Variants in KAT8 observed in about 807,000 individuals in gnomAD.
KAT8 encodes lysine acetyltransferase 8.
In KAT8, 40 loss-of-function variants were observed where a neutral mutation model predicts 62.9. The observed-to-expected ratio is 0.64, with a 90% confidence interval of 0.49 to 0.83. KAT8 has a LOEUF of 0.83. Ranked by LOEUF, KAT8 falls within the 40% of genes least tolerant of loss-of-function variation. The probability of loss-of-function intolerance (pLI) is 0.00; values close to 1 mark genes in which losing one functional copy is unlikely to be tolerated. For synonymous variants in KAT8, 278 were observed against 254.5 expected (o/e 1.09, Z -0.88); for missense variants, 387 against 614.8 (o/e 0.63, Z 3.92).
At position 31,120,226 on chromosome 16, in the gene KAT8, G is replaced by A; in HGVS notation, c.252G>A (p.Glu84=). 1.9e-6 allele frequency: 3 copies of A among 1,614,198 alleles called. No individual in the cohort carries two copies. Among genetic ancestry groups the A allele is most frequent in the Non-Finnish European group, 2.5e-6 (3 of 1,180,024 alleles). ...TCCAGTCTCGAGTGAACGACCAGGA[G>A]GGCCGAGAGGAATTCTATGTACACT... is the stretch of plus-strand genomic sequence containing the variant. The part of the protein sequence containing the change: ...EVIQSRVNDQ[E]GREEFYVHYV... The change falls in exon 2 of 11, where the codon GAG becomes GAA. Residue 84 remains glutamate (E), a synonymous_variant. Transcript: ENST00000219797.
intron 3 of KAT8, among the ~76,000 whole-genome samples, chr16:31,125,407 C>T (rs2057525518): frequency 1.3e-5 from 2 of 152,002 alleles, no homozygotes; most frequent in South Asian, 4.1e-4. Context: ...AGTTTGAGAA[C>T]AGCCTGGCCA....
intron 6 of KAT8, 151 bp from the exon 7 acceptor site, chr16:31,129,866 C>T (rs1165148868): frequency 7.0e-6 from 6 of 856,610 alleles, no homozygotes; most frequent in African/African-American, 3.4e-5. Flanking sequence ...GTTCCCTGTT[C>T]GTCAGAGGCT....
At chr16:31,130,209 C>A in intron 7 of KAT8, 52 bp downstream of exon 7, 1 of 1,612,518 alleles carries the variant, frequency 6.2e-7, no homozygotes, top group Non-Finnish European at 8.5e-7. Flanking sequence ...CGAAGGTGGG[C>A]ATGAACAGAG....
At chr16:31,120,800 A>C (rs1007786984) in intron 3 of KAT8, 2 of 352,500 alleles carry the variant, frequency 5.7e-6, no homozygotes, top group African/African-American at 4.1e-5. Context: ...GCTGTGTCTT[A>C]GTAGAAAAAA....
chr16:31,118,287 G>T (rs1434599816), intron 1 of KAT8: 3 of 173,654 alleles, frequency 1.7e-5, no homozygotes, highest in African/African-American at 7.1e-5. Flanking sequence ...GAAACAACAG[G>T]CTTCCCTTTC....
chr16:31,120,478 A>G lies in KAT8; in HGVS notation c.426A>G (p.Gln142=). 1 of 1,613,458 alleles carries G rather than the reference A, an allele frequency of 6.2e-7. No homozygotes were observed. Among genetic ancestry groups the G allele is most frequent in the Non-Finnish European group, 8.5e-7 (1 of 1,179,886 alleles). The change falls in exon 3 of 11, where the codon CAA becomes CAG. Residue 142 remains glutamine, a synonymous_variant. Transcript: ENST00000219797. Reference sequence around the variant, plus strand: ...CTGAGCGCAAGATCACTCGCAACCAAAAGCGCAAGCATGATGAGATCAACC... The same window carrying G: ...CTGAGCGCAAGATCACTCGCAACCAGAAGCGCAAGCATGATGAGATCAACC... The part of the protein sequence containing the change: ...EQPERKITRN[Q]KRKHDEINHV...
intron 3 of KAT8, among the ~76,000 whole-genome samples, chr16:31,123,163 G>C (rs1163362207): frequency 6.6e-6 from 1 of 152,030 alleles, no homozygotes; most frequent in African/African-American, 2.4e-5. Context: ...ATCCAGCCTG[G>C]GTGTCCGATC....
At chr16:31,119,785 C>T (rs1215840920) in intron 1 of KAT8, among the ~76,000 whole-genome samples, 1 of 152,022 alleles carries the variant, frequency 6.6e-6, no homozygotes, top group African/African-American at 2.4e-5. Context: ...AAGCAATTTT[C>T]CTGCCTCAGC....
chr16:31,120,284 C>T, intron 2 of KAT8, 24 bp downstream of exon 2: 9 of 1,613,836 alleles, frequency 5.6e-6, no homozygotes, highest in African/African-American at 2.7e-5. Flanking sequence ...CACATCTGGG[C>T]GTGGGTGCAG....
chr16:31,127,362 G>C lies in KAT8; in HGVS notation c.681+9G>C, dbSNP rs745690622. 1.6e-5 allele frequency: 26 copies of C among 1,613,534 alleles called. No individual in the cohort carries two copies. The highest frequency in any genetic ancestry group is 2.1e-5 in the Non-Finnish European group (25 of 1,179,790). ...GCTACCGCTTCCACTTGGTGAGGCT[G>C]GGCCGGCCGGGCCGAGCTGGGCAGG... On this transcript the variant is annotated intron_variant, in intron 5 of 10. Transcript: ENST00000219797.
intron 6 of KAT8, among the ~76,000 whole-genome samples, chr16:31,128,544 CAAAA>C (rs879752658): frequency 7.1e-6 from 1 of 141,010 alleles, no homozygotes; most frequent in Non-Finnish European, 1.6e-5. Flanking sequence ...GAATCTGTCT[CAAAA>C]AAAAAAAAGA....
intron 1 of KAT8, 102 bp downstream of exon 1, chr16:31,117,994 G>T: frequency 2.1e-6 from 2 of 933,356 alleles, no homozygotes; most frequent in Non-Finnish European, 2.9e-6. Context: ...TCCGGGGGCT[G>T]GGAGTGGAGA....
intron 3 of KAT8, chr16:31,122,694 A>C (rs981941446): frequency 6.6e-6 from 1 of 152,096 alleles, no homozygotes; most frequent in Non-Finnish European, 1.5e-5. Context: ...CCCGGCTAAC[A>C]TGGTGAAACC....
At chr16:31,130,246 C>G in intron 7 of KAT8, 21 bp from the exon 8 acceptor site, 8 of 1,613,964 alleles carry the variant, frequency 5.0e-6, no homozygotes, top group Non-Finnish European at 6.8e-6. Flanking sequence ...CCCAGCGGCC[C>G]TGAGCACCTG....
At chr16:31,123,905 A>G (rs1278157214) in intron 3 of KAT8, 1 of 152,214 alleles carries the variant, frequency 6.6e-6, no homozygotes, top group Non-Finnish European at 1.5e-5. Flanking sequence ...GCACTCAACA[A>G]AGACATACCT....
At chr16:31,119,027 G>T (rs2057472915) in intron 1 of KAT8, among the ~76,000 whole-genome samples, 1 of 152,068 alleles carries the variant, frequency 6.6e-6, no homozygotes, top group Non-Finnish European at 1.5e-5. Context: ...GGGATTACTG[G>T]CATGAGCCAC....
rs891504791 is a variant in KAT8, at chr16:31,127,232, A to G, written c.560A>G (p.Tyr187Cys). Residue 187 changes from tyrosine to cysteine, a missense_variant, in exon 5 of 11, where the codon TAC becomes TGC. Physicochemically the swap from Tyr to Cys is radical, Grantham distance 194. Coordinates refer to ENST00000219797, the MANE Select transcript of KAT8 (RefSeq NM_032188.3). ...KYVDKIHIGN[Y>C]EIDAWYFSPF... ...GTGGACAAGATCCACATCGGGAACT[A>G]CGAAATTGATGCCTGGTATTTCTCA... 6.2e-7 allele frequency: 1 copy of G among 1,614,142 alleles called. No homozygotes were observed.
At chr16:31,123,464 C>T (rs765256316) in intron 3 of KAT8, among the ~76,000 whole-genome samples, 1 of 152,068 alleles carries the variant, frequency 6.6e-6, no homozygotes, top group Non-Finnish European at 1.5e-5. Flanking sequence ...CTGCCTCGGC[C>T]TCCCAAAGTG....
chr16:31,125,185 C>CT (rs961140186), intron 3 of KAT8, among the ~76,000 whole-genome samples: 9 of 150,804 alleles, frequency 6.0e-5, no homozygotes, highest in African/African-American at 2.2e-4. Flanking sequence ...GAGTGAGAGT[C>CT]TATCTCAGAA....
Sources: gnomAD v4.1 joint callset for allele counts (sites outside exome capture counted in the v4.1 genomes callset) on GRCh38, gnomAD v4.1.1 for gene constraint, MANE v1.5 for transcripts, NCBI Gene and HGNC (gene_info 2026-07-23, HGNC 2026-07-21) for gene names.